PRIMPOL: variants seen among roughly 807,000 people sequenced by gnomAD.
PRIMPOL encodes DNA-directed primase/polymerase protein.
PRIMPOL carries 54 observed loss-of-function variants against 63.6 expected under a neutral mutation model. The ratio of observed to expected loss-of-function variants is 0.85; its 90% CI spans 0.68 to 1.07. The LOEUF (loss-of-function observed/expected upper bound fraction) is 1.07, where lower values mean the gene tolerates loss of function less well. Ranked by LOEUF, PRIMPOL falls within the 50% of genes least tolerant of loss-of-function variation. The pLI is 0.00. For missense variants in PRIMPOL, 610 were observed against 648.3 expected, an observed-to-expected ratio of 0.94 and a Z score of 0.64; for synonymous variants, 197 against 220.2, an observed-to-expected ratio of 0.89 and a Z score of 0.93.
intron 13 of PRIMPOL, 145 bp downstream of exon 13, chr4:184,691,857 AGT>A (rs1758636321): frequency 1.7e-6 from 1 of 599,950 alleles, no homozygotes; most frequent in South Asian, 2.2e-5. Context: ...AATATATTGT[AGT>A]GATTTTCCCA....
At chr4:184,670,910 T>A (rs28661559) in intron 6 of PRIMPOL, among the ~76,000 whole-genome samples, 4,424 of 152,262 alleles carry the variant, frequency 0.029, 201 homozygotes, top group African/African-American at 0.1. Flanking sequence ...AGTATGCATT[T>A]GTTAATGTAA....
intron 13 of PRIMPOL, among the ~76,000 whole-genome samples, chr4:184,692,460 C>T (rs1192223021): frequency 6.0e-5 from 6 of 100,606 alleles, no homozygotes; most frequent in South Asian, 3.7e-4. Context: ...GGAGACAGAG[C>T]GACTCTGCCT....
At chr4:184,673,808 GTCAGAT>G (rs1409872869) in intron 7 of PRIMPOL, among the ~76,000 whole-genome samples, 1 of 152,144 alleles carries the variant, frequency 6.6e-6, no homozygotes, top group Non-Finnish European at 1.5e-5. Context: ...TAAATTATAG[GTCAGAT>G]TCCCAGGCCA....
chr4:184,694,103 ATC>A (rs1561113058), intron 13 of PRIMPOL: 1 of 439,178 alleles, frequency 2.3e-6, no homozygotes, highest in African/African-American at 2.1e-5. Context: ...ACTGTTTTTA[ATC>A]TTTTTTCAAT....
chr4:184,676,990 TCCCTTCTCCCTTCCCCC>T, intron 7 of PRIMPOL, among the ~76,000 whole-genome samples: 1 of 8,912 alleles, frequency 1.1e-4, no homozygotes, highest in Admixed American at 1.1e-3. Flanking sequence ...CCCCTTCACT[TCCCTTCTCCCTTCCCCC>T]TTCCCTTCCC....
chr4:184,662,243 T>C (rs868366631), intron 5 of PRIMPOL, among the ~76,000 whole-genome samples: 11 of 152,162 alleles, frequency 7.2e-5, no homozygotes, highest in African/African-American at 2.2e-4. Flanking sequence ...CAAAATAATT[T>C]TTACTGTAAA....
chr4:184,672,920 C>A lies in PRIMPOL; in HGVS notation c.844+460C>A, dbSNP rs1224021111. ...ATCAGCTTTCTTGCTGTGTTCAAAC[C>A]AGTGATTTCTTAACCCAGTGTGGTT... On this transcript the variant is annotated intron_variant, in intron 7 of 13. Transcript: ENST00000314970. 7.2e-5 allele frequency among the ~76,000 whole-genome samples: 11 copies of A among 152,092 alleles called. 1 individual carries two copies. The highest frequency in any genetic ancestry group is 1.6e-4 in the Non-Finnish European group (11 of 68,020).
chr4:184,671,580 C>G (rs996347713), intron 6 of PRIMPOL, among the ~76,000 whole-genome samples: 6 of 152,110 alleles, frequency 3.9e-5, no homozygotes, highest in African/African-American at 1.4e-4. Context: ...GGCTCAGGCC[C>G]TACCAGCAGC....
intron 3 of PRIMPOL, among the ~76,000 whole-genome samples, chr4:184,658,083 TTG>T (rs201390023): frequency 0.089 from 11,107 of 125,174 alleles, 1,378 homozygotes; most frequent in African/African-American, 0.27. Flanking sequence ...TTTTTTTTTT[TTG>T]GGGCACTGTG....
intron 9 of PRIMPOL, among the ~76,000 whole-genome samples, chr4:184,684,471 T>A (rs1030612716): frequency 1.5e-4 from 22 of 151,064 alleles, no homozygotes; most frequent in African/African-American, 4.4e-4. Flanking sequence ...AAAAAAAAAA[T>A]TAAATGATAT....
rs534245005 is a variant in PRIMPOL, at chr4:184,683,393, G to A, written c.1096+1057G>A. On this transcript the variant is annotated intron_variant, in intron 9 of 13. Coordinates refer to ENST00000314970, the MANE Select transcript of PRIMPOL (RefSeq NM_152683.4). Reference sequence around the variant, plus strand: ...GCTGAGATTGTGCCATTGCACTCCAGCATGCGCAACAAGAGTGAGACTCCA... The same window carrying A: ...GCTGAGATTGTGCCATTGCACTCCAACATGCGCAACAAGAGTGAGACTCCA... Among the ~76,000 whole-genome samples the A allele has an allele frequency of 3.3e-5, 5 of 150,080 alleles. No individual in the cohort carries two copies. The South Asian group carries it at 1.0e-3, about 31-fold the overall frequency.
chr4:184,661,090 C>A (rs1748192357), intron 4 of PRIMPOL, among the ~76,000 whole-genome samples: 1 of 151,448 alleles, frequency 6.6e-6, no homozygotes, highest in African/African-American at 2.4e-5. Context: ...TCATGGAATC[C>A]CAAGAATATG....
chr4:184,658,036 ATC>A (rs1491166616), intron 3 of PRIMPOL, among the ~76,000 whole-genome samples: 32 of 110,564 alleles, frequency 2.9e-4, no homozygotes, highest in African/African-American at 1.2e-3. Context: ...ATAAATAAAT[ATC>A]ACTAAATCAA....
chr4:184,667,289 T>C (rs1421459164), intron 6 of PRIMPOL, among the ~76,000 whole-genome samples: 1 of 150,996 alleles, frequency 6.6e-6, no homozygotes, highest in African/African-American at 2.4e-5. Context: ...AAGAATGGAC[T>C]TAGAGGCATG....
chr4:184,666,820 G>A (rs1349905630), intron 6 of PRIMPOL, among the ~76,000 whole-genome samples: 1 of 152,242 alleles, frequency 6.6e-6, no homozygotes, highest in Admixed American at 6.5e-5. Context: ...AATTCTAGAT[G>A]TACGAGTCTG....
At chr4:184,652,447 T>A (rs973842564) in intron 2 of PRIMPOL, among the ~76,000 whole-genome samples, 1 of 151,962 alleles carries the variant, frequency 6.6e-6, no homozygotes, top group African/African-American at 2.4e-5. Context: ...GTTTTCTTAC[T>A]CCTTAAAGAG....
rs1265727163 is a variant in PRIMPOL, at chr4:184,694,595, C to T, written c.1499C>T (p.Pro500Leu). The change falls in exon 14 of 14, where the codon CCT becomes CTT. Residue 500 changes from proline (P) to leucine (L), a missense_variant. Physicochemically the swap from Pro to Leu is moderately conservative, Grantham distance 98. Around this residue, in one of 3 missense-constraint regions of PRIMPOL, gnomAD observed 444 missense variants for 456.4 expected, o/e 0.97. Transcript: ENST00000314970. ...NETQNPHKPS[P>L]SRLSTGASAD... ...ACCCAGAATCCTCATAAACCATCAC[C>T]TAGCAGGCTGTCAACAGGTGCATCT... The T allele has an allele frequency of 1.9e-6, 3 of 1,614,016 alleles. No homozygotes were observed. The highest frequency in any genetic ancestry group is 2.7e-5 in the African/African-American group (2 of 74,926).
chr4:184,694,380 C>T (rs1759976649), intron 13 of PRIMPOL, 142 bp from the exon 14 acceptor site: 9 of 1,414,380 alleles, frequency 6.4e-6, no homozygotes, highest in East Asian at 2.5e-5. Context: ...GGTGAGATAT[C>T]GGAGACAGCA....
intron 8 of PRIMPOL, among the ~76,000 whole-genome samples, chr4:184,680,392 TG>T (rs1356179640): frequency 2.6e-5 from 4 of 152,078 alleles, no homozygotes; most frequent in Non-Finnish European, 4.4e-5. Context: ...TTCCCCATGT[TG>T]GGGGGGCCGG....
Sources: allele counts gnomAD v4.1 joint callset (sites outside exome capture counted in the v4.1 genomes callset), GRCh38; gene constraint gnomAD v4.1.1; regional missense constraint gnomAD v4.1.1; transcripts MANE v1.5; gene names NCBI Gene and HGNC (gene_info 2026-07-23, HGNC 2026-07-21).